The following VAV2 variants were observed in gnomAD, a reference collection of about 807,000 sequenced individuals.
VAV2 encodes guanine nucleotide exchange factor VAV2.
VAV2 carries 67 observed loss-of-function variants against 132.5 expected under a neutral mutation model. That is an observed-to-expected ratio of 0.51 (90% CI 0.42 to 0.62). VAV2 has a LOEUF of 0.62. Ranked by LOEUF, VAV2 falls within the 20% of genes least tolerant of loss-of-function variation. VAV2 has a pLI of 0.00. For missense variants in VAV2, 938 were observed against 1,153.6 expected, an observed-to-expected ratio of 0.81 and a Z score of 2.71; for synonymous variants, 492 against 443.5, an observed-to-expected ratio of 1.11 and a Z score of -1.37.
chr9:133,821,337 C>T (rs1197282298), intron 4 of VAV2, among the ~76,000 whole-genome samples: 2 of 152,242 alleles, frequency 1.3e-5, no homozygotes, highest in East Asian at 3.8e-4. Context: ...TTGACTGTCG[C>T]TCCTGAGCCC....
chr9:133,858,602 C>T (rs533448189), intron 3 of VAV2, among the ~76,000 whole-genome samples: 2 of 152,336 alleles, frequency 1.3e-5, no homozygotes, highest in South Asian at 2.1e-4. Flanking sequence ...CACCCTGCTA[C>T]TGTCACTGAG....
rs57030712 is a variant in VAV2 at position 133,776,219 on chromosome 9, G to A, written c.1966-139C>T. 2.3e-3 allele frequency: 2,838 copies of A among 1,227,148 alleles called. 57 individuals carry two copies. In the African/African-American group the frequency reaches 0.037, roughly 16 times the overall value. 76.0% of individuals were successfully genotyped at this position (1,227,148 alleles called of 1,614,324 possible). Reference sequence around the variant, plus strand: ...GACTGTCTGTGGACTTAGCCCCAGCGCCCCTGGCCTGGGAGGTGCCCAAGG... The same window carrying A: ...GACTGTCTGTGGACTTAGCCCCAGCACCCCTGGCCTGGGAGGTGCCCAAGG... On this transcript the variant is annotated intron_variant, in intron 23 of 29. Transcript: ENST00000371850.
chr9:133,814,087 G>A (rs1416051227), intron 4 of VAV2, among the ~76,000 whole-genome samples: 1 of 152,226 alleles, frequency 6.6e-6, no homozygotes, highest in East Asian at 1.9e-4. Context: ...GGTAAAGGCA[G>A]CCGTCAGACG....
At chr9:133,940,673 G>A (rs374535537) in intron 1 of VAV2, among the ~76,000 whole-genome samples, 3 of 5,072 alleles carry the variant, frequency 5.9e-4, no homozygotes, top group African/African-American at 8.8e-4. Flanking sequence ...GTCCACGTGC[G>A]TGTGTGTGTG....
rs1021821632 is a variant in VAV2, at chr9:133,906,838, A to G, written c.321+32265T>C. Among the ~76,000 whole-genome samples the G allele has an allele frequency of 9.2e-5, 14 of 151,588 alleles. No individual in the cohort carries two copies. The East Asian group carries it at 2.6e-3, about 28-fold the overall frequency. On this transcript the variant is annotated intron_variant, in intron 2 of 29. Transcript: ENST00000371850. ...CCTCCCTTCTGACGTGCGGAGACCC[A>G]TGGCTCTACACCGGGGGCCACTCAA...
chr9:133,965,541 A>T (rs543311680), intron 1 of VAV2, among the ~76,000 whole-genome samples: 2 of 151,800 alleles, frequency 1.3e-5, no homozygotes, highest in Non-Finnish European at 2.9e-5. Context: ...TATAACAGCT[A>T]CAAAATAATT....
chr9:133,779,226 C>T (rs1049942599), intron 21 of VAV2, among the ~76,000 whole-genome samples: 1 of 152,230 alleles, frequency 6.6e-6, no homozygotes, highest in Non-Finnish European at 1.5e-5. Flanking sequence ...CAGAGACGGG[C>T]GACGGGTCAG....
chr9:133,806,340 GATT>G (rs1388533983), intron 8 of VAV2, among the ~76,000 whole-genome samples, 159 bp from the exon 9 acceptor site: 2 of 152,214 alleles, frequency 1.3e-5, no homozygotes, highest in African/African-American at 4.8e-5. Flanking sequence ...GCCAGGGTGT[GATT>G]CAGGTAGAAG....
rs2132048869 is a variant in VAV2, at chr9:133,912,985, C to T, written c.321+26118G>A. Among the ~76,000 whole-genome samples the T allele has an allele frequency of 6.6e-6, 1 of 152,318 alleles. No individual in the cohort carries two copies. Among genetic ancestry groups the T allele is most frequent in the East Asian group, 1.9e-4 (1 of 5,170 alleles). Reference sequence around the variant, plus strand: ...GCCATTTGGAACCGGGTTTGGGAGGCAGGCACTGTCCTCTGAAGGCCCAGC... The same window carrying T: ...GCCATTTGGAACCGGGTTTGGGAGGTAGGCACTGTCCTCTGAAGGCCCAGC... On this transcript the variant is annotated intron_variant, in intron 2 of 29. Transcript: ENST00000371850. The surrounding 1 kb of genome is among the most constrained non-coding windows in gnomAD (Gnocchi z 4.3).
intron 4 of VAV2, among the ~76,000 whole-genome samples, chr9:133,817,989 A>T (rs996432868): frequency 2.0e-5 from 3 of 152,106 alleles, no homozygotes; most frequent in Non-Finnish European, 4.4e-5. Context: ...TTGACATTTG[A>T]ATCAGAAGAC....
At chr9:133,951,599 C>T (rs1429101029) in intron 1 of VAV2, among the ~76,000 whole-genome samples, 1 of 152,100 alleles carries the variant, frequency 6.6e-6, no homozygotes, top group African/African-American at 2.4e-5. Context: ...CCTGGACCCC[C>T]GGGACCTGCC....
At chr9:133,803,240 C>T (rs1206509603) in intron 9 of VAV2, among the ~76,000 whole-genome samples, 2 of 152,188 alleles carry the variant, frequency 1.3e-5, no homozygotes, top group African/African-American at 4.8e-5. Flanking sequence ...GCCTTCGTCT[C>T]GTTCTGTTCT....
At chr9:133,888,859 T>TC (rs1478662826) in intron 2 of VAV2, among the ~76,000 whole-genome samples, 1 of 152,068 alleles carries the variant, frequency 6.6e-6, no homozygotes, top group Non-Finnish European at 1.5e-5. Context: ...CAATTTAATT[T>TC]CCCCCACCTC....
intron 4 of VAV2, among the ~76,000 whole-genome samples, chr9:133,827,241 A>ACCACGGGCATCGCCAGCTACCGCTGCGC: frequency 2.0e-5 from 1 of 50,670 alleles, no homozygotes; most frequent in East Asian, 1.3e-3. Context: ...ACTGGGGCTG[A>ACCACGGGCATCGCCAGCTACCGCTGCGC]CCACTGAGCG....
chr9:133,971,785 G>A (rs1490081427), intron 1 of VAV2, among the ~76,000 whole-genome samples: 1 of 152,152 alleles, frequency 6.6e-6, no homozygotes, highest in Non-Finnish European at 1.5e-5. Context: ...GCACCACCCG[G>A]GTCCTGAATC....
At chr9:133,773,229 G>A (rs1022582132) in intron 25 of VAV2, among the ~76,000 whole-genome samples, 1 of 152,216 alleles carries the variant, frequency 6.6e-6, no homozygotes, top group Non-Finnish European at 1.5e-5. Context: ...TTGCTCCCGG[G>A]CTACAGACCT....
In VAV2 at chr9:133,912,088, C is replaced by T. The variant is rs560070960; in HGVS notation, c.321+27015G>A. On this transcript the variant is annotated intron_variant, in intron 2 of 29. Coordinates refer to ENST00000371850, the MANE Select transcript of VAV2 (RefSeq NM_001134398.2). The surrounding 1 kb of genome is among the most constrained non-coding windows in gnomAD (Gnocchi z 4.3). ...CTATCTTTCCTGATCTCCTCCCTGC[C>T]CTCCAAAGATGGCTGATTTTCAAAG... 6.6e-6 allele frequency among the ~76,000 whole-genome samples: 1 copy of T among 152,290 alleles called. No homozygotes were observed. Among genetic ancestry groups the T allele is most frequent in the Non-Finnish European group, 1.5e-5 (1 of 68,030 alleles).
chr9:133,770,618 T>G (rs529354347), intron 26 of VAV2, 117 bp from the exon 27 acceptor site: 2 of 1,452,762 alleles, frequency 1.4e-6, no homozygotes, highest in African/African-American at 2.8e-5. Flanking sequence ...CTTCCTGGAC[T>G]CCTCAGAACT....
At chr9:133,916,249 C>G (rs1052420884) in intron 2 of VAV2, among the ~76,000 whole-genome samples, 4 of 152,234 alleles carry the variant, frequency 2.6e-5, no homozygotes, top group Admixed American at 2.6e-4. Context: ...ACAGGCAACA[C>G]CGAGCTGGGC....
Sources: allele counts gnomAD v4.1 joint callset (sites outside exome capture counted in the v4.1 genomes callset), GRCh38; gene constraint gnomAD v4.1.1; non-coding constraint Gnocchi (gnomAD v3.1); transcripts MANE v1.5; gene names NCBI Gene and HGNC (gene_info 2026-07-23, HGNC 2026-07-21).